ESRRG: variants seen among roughly 807,000 people sequenced by gnomAD.
The protein encoded by ESRRG is estrogen related receptor gamma, also known as estrogen-related receptor gamma.
Under a neutral mutation model 44.0 loss-of-function variants are expected in ESRRG, and 13 were observed. The observed-to-expected ratio is 0.30, with a 90% CI of 0.19 to 0.47. ESRRG has a LOEUF of 0.47. ESRRG is among the 20% of genes least tolerant of loss of function. The probability of loss-of-function intolerance (pLI) is 1.00; values close to 1 mark genes in which losing one functional copy is unlikely to be tolerated. For missense variants in ESRRG, 395 were observed against 580.6 expected, an observed-to-expected ratio of 0.68 and a Z score of 3.29; for synonymous variants, 215 against 214.6, an observed-to-expected ratio of 1.00 and a Z score of -0.02.
chr1:217,052,288 AC>A (rs1351403418), intron 1 of ESRRG, among the ~76,000 whole-genome samples: 1 of 152,210 alleles, frequency 6.6e-6, no homozygotes, highest in Admixed American at 6.5e-5. Context: ...CAGAGAATGA[AC>A]TGAGATGATT....
At chr1:216,955,659 C>A (rs920263448) in intron 1 of ESRRG, among the ~76,000 whole-genome samples, 3 of 152,136 alleles carry the variant, frequency 2.0e-5, no homozygotes, top group African/African-American at 7.2e-5. Context: ...TACATTCCCA[C>A]CAGCAGTGTA....
chr1:216,523,795 T>C (rs2046822851), intron 5 of ESRRG, among the ~76,000 whole-genome samples: 1 of 151,614 alleles, frequency 6.6e-6, no homozygotes, highest in Non-Finnish European at 1.5e-5. Flanking sequence ...CAGTTAATCA[T>C]GGCATTGACT....
intron 2 of ESRRG, among the ~76,000 whole-genome samples, chr1:216,887,232 G>A (rs370631216): frequency 2.6e-5 from 4 of 152,220 alleles, no homozygotes; most frequent in African/African-American, 7.2e-5. Context: ...ACAGAACCAC[G>A]CTGACTCACA....
intron 1 of ESRRG, among the ~76,000 whole-genome samples, chr1:217,037,066 T>C (rs959992387): frequency 6.6e-6 from 1 of 152,184 alleles, no homozygotes; most frequent in African/African-American, 2.4e-5. Context: ...GGTAAAGGAC[T>C]GACAAGTGTC....
chr1:217,113,685 T>A (rs968904054), intron 1 of ESRRG, among the ~76,000 whole-genome samples: 1 of 152,122 alleles, frequency 6.6e-6, no homozygotes, highest in African/African-American at 2.4e-5. Context: ...AAACATTTTG[T>A]TACTCCTCCC....
intron 1 of ESRRG, among the ~76,000 whole-genome samples, chr1:217,068,275 T>A (rs2090059855): frequency 6.6e-6 from 1 of 152,100 alleles, no homozygotes; most frequent in African/African-American, 2.4e-5. Flanking sequence ...AATTCTTCAA[T>A]TGAGGACCAA....
chr1:216,747,772 T>G (rs920604945), intron 2 of ESRRG, among the ~76,000 whole-genome samples: 18 of 152,234 alleles, frequency 1.2e-4, no homozygotes, highest in Non-Finnish European at 2.2e-4. Context: ...ATACAAAGTC[T>G]ATTCAAACCT....
Position 217,026,865 on chromosome 1 carries a change from C to A in ESRRG, c.-106+62642G>T, listed in dbSNP as rs377090777. Among the ~76,000 whole-genome samples, 29 of 142,574 alleles carry A rather than the reference C, an allele frequency of 2.0e-4. No homozygotes were observed. The South Asian group carries it at 6.3e-3, about 31-fold the overall frequency. 93.5% of individuals were successfully genotyped at this position (142,574 alleles called of 152,430 possible). A position where few individuals can be genotyped will look rare whatever the true frequency, so the allele number is the denominator to read the frequency against. ...TCCTGGCTGAGAACCCCACCCCCGA[C>A]CACACACATATACACACACACATAC... On this transcript the variant is annotated intron_variant, in intron 1 of 7. Transcript: ENST00000359162.
At chr1:216,993,618 C>T (rs1408304934) in intron 1 of ESRRG, among the ~76,000 whole-genome samples, 1 of 152,134 alleles carries the variant, frequency 6.6e-6, no homozygotes. Context: ...ATGATGAGGG[C>T]AGATCCAAGG....
upstream of ESRRG, among the ~76,000 whole-genome samples, chr1:216,725,537 T>C (rs2087341789): frequency 6.6e-6 from 1 of 152,152 alleles, no homozygotes; most frequent in Non-Finnish European, 1.5e-5. Flanking sequence ...AAACATGATT[T>C]TTCTAAAATA....
chr1:216,676,088 GC>G (rs2151475936), intron 2 of ESRRG, among the ~76,000 whole-genome samples: 1 of 152,298 alleles, frequency 6.6e-6, no homozygotes, highest in South Asian at 2.1e-4. Flanking sequence ...CCATTGGTGT[GC>G]TGTGGATCCT....
At chr1:216,820,349 A>G (rs2095259412) in intron 2 of ESRRG, among the ~76,000 whole-genome samples, 1 of 152,192 alleles carries the variant, frequency 6.6e-6, no homozygotes, top group Non-Finnish European at 1.5e-5. Context: ...CAAAATATGG[A>G]GTGATGAATG....
intron 2 of ESRRG, among the ~76,000 whole-genome samples, chr1:216,840,475 A>C (rs1380929037): frequency 6.6e-6 from 1 of 151,974 alleles, no homozygotes; most frequent in East Asian, 1.9e-4. Flanking sequence ...TTGTTTTCTT[A>C]TCATTGGTGT....
chr1:216,943,528 A>G (rs965490902), intron 1 of ESRRG, among the ~76,000 whole-genome samples: 5 of 152,302 alleles, frequency 3.3e-5, no homozygotes, highest in African/African-American at 1.2e-4. Flanking sequence ...GAACTCAACC[A>G]TTCACCCAGC....
At chr1:216,932,876 T>A (rs1255727029) in intron 2 of ESRRG, among the ~76,000 whole-genome samples, 2 of 151,850 alleles carry the variant, frequency 1.3e-5, no homozygotes, top group African/African-American at 4.8e-5. Context: ...CCAATTTATA[T>A]AATTTTTTTA....
chr1:216,939,407 T>G (rs1300171966), intron 2 of ESRRG, among the ~76,000 whole-genome samples: 1 of 148,602 alleles, frequency 6.7e-6, no homozygotes, highest in Non-Finnish European at 1.5e-5. Flanking sequence ...TTTTACATTT[T>G]AAAAGGCAGA....
At chr1:216,722,411 TC>T (rs368800628) in intron 1 of ESRRG, among the ~76,000 whole-genome samples, 106 of 117,512 alleles carry the variant, frequency 9.0e-4, no homozygotes, top group African/African-American at 1.9e-3. Flanking sequence ...CCCTACTCAC[TC>T]CCCCCCCTTT....
At chr1:216,766,577 A>G (rs2093088878) in intron 2 of ESRRG, among the ~76,000 whole-genome samples, 1 of 152,110 alleles carries the variant, frequency 6.6e-6, no homozygotes, top group African/African-American at 2.4e-5. Context: ...GATAGGTTTC[A>G]GTGCTAAAAA....
chr1:216,779,460 A>T (rs12094864), intron 2 of ESRRG, among the ~76,000 whole-genome samples: 11 of 50,200 alleles, frequency 2.2e-4, no homozygotes, highest in African/African-American at 3.9e-4. Flanking sequence ...ATAAATATAA[A>T]TATAAATATA....
Sources: allele counts gnomAD v4.1 joint callset (sites outside exome capture counted in the v4.1 genomes callset), GRCh38; gene constraint gnomAD v4.1.1; transcripts MANE v1.5; gene names NCBI Gene and HGNC (gene_info 2026-07-23, HGNC 2026-07-21).